The following DSCAM variants were observed in gnomAD, a reference collection of about 807,000 sequenced individuals.
DSCAM encodes the protein cell adhesion molecule DSCAM.
Under a neutral mutation model 217.7 loss-of-function variants are expected in DSCAM, and 47 were observed. The ratio of observed to expected loss-of-function variants is 0.22; its 90% CI spans 0.17 to 0.28. DSCAM has a LOEUF of 0.28. Ranked by LOEUF, DSCAM falls within the 10% of genes least tolerant of loss-of-function variation. DSCAM has a pLI of 1.00. For synonymous variants in DSCAM, 1,056 were observed against 1,015.3 expected, an observed-to-expected ratio of 1.04 and a Z score of -0.76; for missense variants, 2,080 against 2,618.3, an observed-to-expected ratio of 0.79 and a Z score of 4.49.
chr21:40,110,637 G>C (rs1287048832), intron 20 of DSCAM, among the ~76,000 whole-genome samples: 2 of 152,140 alleles, frequency 1.3e-5, no homozygotes, highest in African/African-American at 2.4e-5. Flanking sequence ...GAGGAAGTTT[G>C]AACCCATGGC....
At chr21:40,402,698 G>C (rs541810403) in intron 3 of DSCAM, among the ~76,000 whole-genome samples, 7 of 147,496 alleles carry the variant, frequency 4.7e-5, no homozygotes, top group African/African-American at 1.8e-4. Context: ...TTAATTTATT[G>C]AGAGGAAGAT....
intron 3 of DSCAM, among the ~76,000 whole-genome samples, chr21:40,626,446 C>T (rs930616049): frequency 1.3e-5 from 2 of 152,170 alleles, no homozygotes; most frequent in African/African-American, 4.8e-5. Flanking sequence ...ATCTTCTTCA[C>T]CCACCCACTG....
At position 40,402,269 on chromosome 21, in the gene DSCAM, C is replaced by T. The variant is rs962254994; in HGVS notation, c.509-33024G>A. ...TATTTTTAGTAGAGACGGGGTTTCACTGTGTTAGCCAGGATGGTCTCAGTC... is the reference window on the plus strand; with the variant it reads ...TATTTTTAGTAGAGACGGGGTTTCATTGTGTTAGCCAGGATGGTCTCAGTC... On this transcript the variant is annotated intron_variant, in intron 3 of 32. Coordinates refer to ENST00000400454, the MANE Select transcript of DSCAM (RefSeq NM_001389.5). Among the ~76,000 whole-genome samples the T allele has an allele frequency of 6.6e-5, 10 of 150,654 alleles. 1 individual carries two copies. The highest frequency in any genetic ancestry group is 4.7e-4 in the Admixed American group (7 of 14,866).
intron 3 of DSCAM, among the ~76,000 whole-genome samples, chr21:40,523,037 G>C (rs1042231678): frequency 6.6e-6 from 1 of 152,172 alleles, no homozygotes; most frequent in Non-Finnish European, 1.5e-5. Flanking sequence ...TAATTTTGTT[G>C]ACCTTGGAGA....
At chr21:40,765,471 G>T (rs745776214) in intron 1 of DSCAM, among the ~76,000 whole-genome samples, 1 of 152,092 alleles carries the variant, frequency 6.6e-6, no homozygotes, top group Non-Finnish European at 1.5e-5. Context: ...ATTCTCTGGG[G>T]TATCTATGAC....
At chr21:40,017,661 C>T (rs1412945956) in intron 32 of DSCAM, among the ~76,000 whole-genome samples, 1 of 151,422 alleles carries the variant, frequency 6.6e-6, no homozygotes, top group Non-Finnish European at 1.5e-5. Context: ...AAGCGATTCT[C>T]CCCCCTCAGC....
intron 11 of DSCAM, among the ~76,000 whole-genome samples, chr21:40,243,805 A>G (rs2073185555): frequency 1.3e-5 from 2 of 152,188 alleles, no homozygotes; most frequent in Admixed American, 6.5e-5. Flanking sequence ...CACCCTTGCC[A>G]GCAGCCACCA....
At chr21:40,776,434 C>T (rs904562228) in intron 1 of DSCAM, among the ~76,000 whole-genome samples, 3 of 152,060 alleles carry the variant, frequency 2.0e-5, no homozygotes, top group South Asian at 4.1e-4. Flanking sequence ...AAAGAAAAAT[C>T]ACAACTTTGA....
intron 1 of DSCAM, among the ~76,000 whole-genome samples, chr21:40,834,209 C>A (rs1394246807): frequency 4.0e-5 from 6 of 151,862 alleles, no homozygotes; most frequent in Non-Finnish European, 8.8e-5. Flanking sequence ...GAGATCAAGA[C>A]CATCCTGGCT....
intron 21 of DSCAM, among the ~76,000 whole-genome samples, chr21:40,093,164 C>T (rs747867814): frequency 4.6e-5 from 7 of 152,146 alleles, no homozygotes; most frequent in Admixed American, 6.5e-5. Context: ...AAGAATACCC[C>T]GTGCCTGCGT....
intron 20 of DSCAM, among the ~76,000 whole-genome samples, chr21:40,097,829 T>C (rs377510): frequency 0.35 from 52,141 of 150,128 alleles, 11,307 homozygotes; most frequent in South Asian, 0.54. Context: ...TAGTCCCAGC[T>C]ACTCTGGAGG....
intron 11 of DSCAM, among the ~76,000 whole-genome samples, chr21:40,228,431 TA>T (rs1702073485): frequency 6.6e-6 from 1 of 152,194 alleles, no homozygotes; most frequent in Non-Finnish European, 1.5e-5. Flanking sequence ...GGGCTTATTT[TA>T]CACTTATCAC....
intron 21 of DSCAM, among the ~76,000 whole-genome samples, chr21:40,092,550 A>G (rs183032343): frequency 1.2e-3 from 185 of 152,278 alleles, no homozygotes; most frequent in Non-Finnish European, 2.3e-3. Flanking sequence ...GTCATACCCC[A>G]CTGCACTAGC....
At chr21:40,581,121 A>T (rs2076902245) in intron 3 of DSCAM, among the ~76,000 whole-genome samples, 1 of 152,204 alleles carries the variant, frequency 6.6e-6, no homozygotes, top group Admixed American at 6.5e-5. Context: ...AGAAGACAGG[A>T]CTCTGGATAA....
chr21:40,395,581 TTTC>T (rs1389043740), intron 3 of DSCAM, among the ~76,000 whole-genome samples: 1 of 152,180 alleles, frequency 6.6e-6, no homozygotes, highest in Non-Finnish European at 1.5e-5. Flanking sequence ...GTATCTTTGA[TTTC>T]TTTTTTTTTC....
rs1366562309 is a variant in DSCAM at position 40,121,881 on chromosome 21, G to A, written c.3696+2314C>T. Among the ~76,000 whole-genome samples, 10 of 151,722 alleles carry A rather than the reference G, an allele frequency of 6.6e-5. No homozygotes were observed. The East Asian group carries it at 7.8e-4, about 12-fold the overall frequency. On this transcript the variant is annotated intron_variant, in intron 20 of 32. Transcript: ENST00000400454. ...TAATTTTTGTATTTTTTGTAGAGGC[G>A]GAGTTTCATACGTTGGCCAGGCTGG...
intron 3 of DSCAM, among the ~76,000 whole-genome samples, chr21:40,607,424 A>T (rs1436670142): frequency 1.4e-5 from 2 of 146,974 alleles, no homozygotes; most frequent in Non-Finnish European, 3.0e-5. Flanking sequence ...TTTTTTTAGG[A>T]AATAAATTCC....
chr21:40,475,530 C>T (rs191329626), intron 3 of DSCAM, among the ~76,000 whole-genome samples: 4 of 152,280 alleles, frequency 2.6e-5, no homozygotes, highest in Non-Finnish European at 2.9e-5. Flanking sequence ...TGTTCATTCA[C>T]GAAAGTGCTG....
intron 11 of DSCAM, among the ~76,000 whole-genome samples, chr21:40,207,245 A>G (rs780125498): frequency 7.2e-5 from 11 of 152,246 alleles, no homozygotes; most frequent in Non-Finnish European, 4.4e-5. Context: ...AAATTTCAAT[A>G]TTAAAATACC....
Sources: allele counts gnomAD v4.1 joint callset (sites outside exome capture counted in the v4.1 genomes callset), GRCh38; gene constraint gnomAD v4.1.1; transcripts MANE v1.5; gene names NCBI Gene and HGNC (gene_info 2026-07-23, HGNC 2026-07-21).